TESK2: variants seen among roughly 807,000 people sequenced by gnomAD.
TESK2 encodes dual specificity testis-specific protein kinase 2.
Under a neutral mutation model 57.1 loss-of-function variants are expected in TESK2, and 39 were observed. The ratio of observed to expected loss-of-function variants is 0.68; its 90% CI spans 0.53 to 0.89. The LOEUF is 0.89. TESK2 is among the 40% of genes least tolerant of loss of function. The pLI is 0.00. For synonymous variants in TESK2, 249 were observed against 267.9 expected (o/e 0.93, Z 0.69); for missense variants, 646 against 732.1 (o/e 0.88, Z 1.36).
chr1:45,388,511 G>A (rs901093966), intron 3 of TESK2, among the ~76,000 whole-genome samples: 31 of 152,244 alleles, frequency 2.0e-4, no homozygotes, highest in African/African-American at 7.0e-4. Flanking sequence ...CTAGAACATA[G>A]ATATGGTATT....
intron 2 of TESK2, among the ~76,000 whole-genome samples, chr1:45,432,574 C>T (rs1651017016): frequency 6.7e-6 from 1 of 150,204 alleles, no homozygotes; most frequent in Non-Finnish European, 1.5e-5. Context: ...GCCTGTAGTC[C>T]CAGCTACTCG....
chr1:45,369,635 G>A (rs750001119), intron 4 of TESK2, among the ~76,000 whole-genome samples: 14 of 152,226 alleles, frequency 9.2e-5, no homozygotes, highest in Admixed American at 6.5e-4. Flanking sequence ...GAGAGGATGC[G>A]GCCGAGAAAA....
chr1:45,393,300 T>C (rs1359397135), intron 3 of TESK2, among the ~76,000 whole-genome samples: 1 of 152,136 alleles, frequency 6.6e-6, no homozygotes. Flanking sequence ...TCTACTCAAA[T>C]AACCATATCA....
At chr1:45,448,237 C>A (rs1261228514) in intron 2 of TESK2, among the ~76,000 whole-genome samples, 1,989 of 83,670 alleles carry the variant, frequency 0.024, no homozygotes, top group South Asian at 0.03. Context: ...GACCCTGTCT[C>A]AAAAAAAAAA....
chr1:45,390,641 T>A (rs971813703), intron 3 of TESK2, among the ~76,000 whole-genome samples: 1 of 151,386 alleles, frequency 6.6e-6, no homozygotes, highest in Admixed American at 6.6e-5. Context: ...AGTGGTGTGA[T>A]CACTGCTCAT....
rs745335345 is a variant in TESK2 at position 45,344,949 on chromosome 1, G to A, written c.1607C>T (p.Ala536Val). 14 of 1,614,096 alleles carry A rather than the reference G, an allele frequency of 8.7e-6. No individual in the cohort carries two copies. The highest frequency in any genetic ancestry group is 3.3e-5 in the Admixed American group (2 of 60,012). The stretch of plus-strand genomic sequence containing the variant: ...TACCTCCATCTCCTCAGAAGCACCC[G>A]CAGGGCATGGACTGGTCCCCTGGGG... Reference protein sequence around the residue: ...SRPQGTSPCPAGASEEMEVEE... With the variant: ...SRPQGTSPCPVGASEEMEVEE... The change falls in exon 11 of 11, where the codon GCG (alanine) becomes GTG (valine). Residue 536 changes from alanine (A) to valine (V), a missense_variant. Ala to Val is a moderately conservative substitution (Grantham distance 64). Coordinates refer to ENST00000372086, the MANE Select transcript of TESK2 (RefSeq NM_007170.3).
intron 1 of TESK2, among the ~76,000 whole-genome samples, chr1:45,483,430 T>C (rs1439619148): frequency 6.6e-6 from 1 of 151,846 alleles, no homozygotes; most frequent in African/African-American, 2.4e-5. Flanking sequence ...ACCCTGTCTC[T>C]ACTAAAAATA....
At chr1:45,448,774 A>G (rs1344866043) in intron 2 of TESK2, among the ~76,000 whole-genome samples, 3 of 152,196 alleles carry the variant, frequency 2.0e-5, no homozygotes, top group Non-Finnish European at 4.4e-5. Flanking sequence ...GAGGGAACAA[A>G]CATCCAAACT....
At chr1:45,478,828 A>AT (rs1382780895) in intron 1 of TESK2, among the ~76,000 whole-genome samples, 1 of 151,968 alleles carries the variant, frequency 6.6e-6, no homozygotes, top group African/African-American at 2.4e-5. Context: ...GGTTCAAGCA[A>AT]TTCTCCTGCC....
chr1:45,475,073 A>G (rs1158731262), intron 1 of TESK2, among the ~76,000 whole-genome samples: 2 of 144,918 alleles, frequency 1.4e-5, no homozygotes, highest in African/African-American at 2.5e-5. Context: ...CAAAAAAAAA[A>G]AAAAAAAAAG....
intron 1 of TESK2, among the ~76,000 whole-genome samples, chr1:45,482,145 C>T (rs1653253459): frequency 6.6e-6 from 1 of 152,176 alleles, no homozygotes; most frequent in South Asian, 2.1e-4. Context: ...TAGTGCAATA[C>T]TGTAAACCCT....
Position 45,367,686 on chromosome 1 carries a change from T to C in TESK2, c.394-12237A>G, listed in dbSNP as rs562248693. Among the ~76,000 whole-genome samples, 4 of 149,956 alleles carry C rather than the reference T, an allele frequency of 2.7e-5. No homozygotes were observed. The South Asian group carries it at 6.3e-4, about 24-fold the overall frequency. On this transcript the variant is annotated intron_variant, in intron 4 of 10. Coordinates refer to ENST00000372086, the MANE Select transcript of TESK2 (RefSeq NM_007170.3). Reference sequence around the variant, plus strand: ...TTTTTTTTTTTTTTGAGATGGAGTTTCTCTCTTGTTGCCCAGGCTGCAGTG... The same window carrying C: ...TTTTTTTTTTTTTTGAGATGGAGTTCCTCTCTTGTTGCCCAGGCTGCAGTG...
rs1011605145 is a variant in TESK2 at position 45,456,299 on chromosome 1, A to G, written c.222+1265T>C. 2.0e-5 allele frequency among the ~76,000 whole-genome samples: 3 copies of G among 152,150 alleles called. No individual in the cohort carries two copies. The East Asian group carries it at 5.8e-4, about 29-fold the overall frequency. The stretch of plus-strand genomic sequence containing the variant: ...TTTGGGAGGCTGAGGTAGGTGGATC[A>G]CTTGAGGTCAGGAGTTCAAGACCAG... On this transcript the variant is annotated intron_variant, in intron 2 of 10. Transcript: ENST00000372086.
At chr1:45,435,908 C>T (rs1651184486) in intron 2 of TESK2, among the ~76,000 whole-genome samples, 1 of 151,604 alleles carries the variant, frequency 6.6e-6, no homozygotes, top group African/African-American at 2.4e-5. Context: ...TGTCTTGTCC[C>T]CAGTGTACGT....
intron 2 of TESK2, among the ~76,000 whole-genome samples, chr1:45,432,185 C>A (rs1442174998): frequency 6.6e-6 from 1 of 151,818 alleles, no homozygotes; most frequent in Non-Finnish European, 1.5e-5. Flanking sequence ...GGCAACAAAG[C>A]AATACCCTGT....
intron 2 of TESK2, among the ~76,000 whole-genome samples, chr1:45,431,963 GGGCAA>G (rs1387092780): frequency 1.3e-5 from 2 of 151,902 alleles, no homozygotes; most frequent in African/African-American, 4.8e-5. Context: ...AAAATTTTTA[GGGCAA>G]GGCACAGTAG....
At chr1:45,402,486 CTT>C (rs577207332) in intron 3 of TESK2, among the ~76,000 whole-genome samples, 7 of 142,124 alleles carry the variant, frequency 4.9e-5, no homozygotes, top group Non-Finnish European at 4.6e-5. Flanking sequence ...ACTATTTTTT[CTT>C]TTTTTTTTTT....
intron 3 of TESK2, among the ~76,000 whole-genome samples, chr1:45,405,631 A>T (rs944110840): frequency 4.7e-5 from 7 of 148,968 alleles, no homozygotes; most frequent in African/African-American, 1.2e-4. Flanking sequence ...ATCTCTAAAA[A>T]ATATATCTAT....
intron 3 of TESK2, among the ~76,000 whole-genome samples, chr1:45,418,927 T>A (rs940959740): frequency 2.0e-5 from 3 of 150,040 alleles, no homozygotes; most frequent in East Asian, 1.9e-4. Context: ...AAAAGTAATT[T>A]AAAAAAAAAT....
Sources: gnomAD v4.1 joint callset for allele counts (sites outside exome capture counted in the v4.1 genomes callset) on GRCh38, gnomAD v4.1.1 for gene constraint, MANE v1.5 for transcripts, NCBI Gene and HGNC (gene_info 2026-07-23, HGNC 2026-07-21) for gene names.